The following TNRC18 variants were observed in gnomAD, a reference collection of about 807,000 sequenced individuals.
TNRC18 encodes the protein trinucleotide repeat-containing gene 18 protein.
TNRC18 carries 69 observed loss-of-function variants against 226.7 expected under a neutral mutation model. That is an observed-to-expected ratio of 0.30 (90% CI 0.25 to 0.37). The LOEUF (loss-of-function observed/expected upper bound fraction) is 0.37. Ranked by LOEUF, TNRC18 falls within the 10% of genes least tolerant of loss-of-function variation. The pLI is 1.00. For missense variants in TNRC18, 4,754 were observed against 4,256.6 expected, an observed-to-expected ratio of 1.12 and a Z score of -3.25; for synonymous variants, 2,449 against 1,927.6, an observed-to-expected ratio of 1.27 and a Z score of -7.09.
chr7:5,323,594 TG>T, intron 21 of TNRC18, among the ~76,000 whole-genome samples: 1 of 122,334 alleles, frequency 8.2e-6, no homozygotes. Context: ...GACACAGTTT[TG>T]CTCTTTGCCC....
intron 27 of TNRC18, among the ~76,000 whole-genome samples, chr7:5,311,198 G>A (rs962753921): frequency 6.6e-5 from 10 of 152,064 alleles, no homozygotes; most frequent in East Asian, 3.9e-4. Flanking sequence ...ACATATGTGC[G>A]TGTGTGTGTG....
intron 2 of TNRC18, among the ~76,000 whole-genome samples, chr7:5,412,311 T>C (rs1048144054): frequency 4.0e-5 from 6 of 151,282 alleles, no homozygotes; most frequent in Non-Finnish European, 8.8e-5. Context: ...CATGGTGGCT[T>C]ACGCCTGTAA....
intron 13 of TNRC18, 77 bp from the exon 14 acceptor site, chr7:5,361,799 C>T (rs1182686144): frequency 1.8e-5 from 28 of 1,529,294 alleles, no homozygotes; most frequent in South Asian, 1.1e-4. Context: ...GATGCACACA[C>T]GGCGCCGGGT....
intron 2 of TNRC18, chr7:5,420,074 G>A (rs994082900): frequency 8.7e-6 from 2 of 231,172 alleles, no homozygotes; most frequent in Non-Finnish European, 1.8e-5. Flanking sequence ...TGGGGCGGCC[G>A]CCGGGCAGGT....
At chr7:5,342,953 A>G (rs1340258248) in intron 18 of TNRC18, among the ~76,000 whole-genome samples, 1 of 152,232 alleles carries the variant, frequency 6.6e-6, no homozygotes, top group Non-Finnish European at 1.5e-5. Flanking sequence ...ACATCGAGGC[A>G]AGACCCACCA....
chr7:5,343,044 A>G (rs1295350509), intron 18 of TNRC18, among the ~76,000 whole-genome samples: 1 of 152,152 alleles, frequency 6.6e-6, no homozygotes, highest in Non-Finnish European at 1.5e-5. Flanking sequence ...AGATATGTAC[A>G]ATGTTTTCTT....
rs1412400211 is a variant in TNRC18 at position 5,387,720 on chromosome 7, G to A, written c.2104C>T (p.Pro702Ser). The change falls in exon 5 of 30, where the codon CCT (proline) becomes TCT (serine). Residue 702 changes from proline to serine, a missense_variant. By Grantham distance (74) the Pro-to-Ser change is moderately conservative. Coordinates refer to ENST00000430969, the MANE Select transcript of TNRC18 (RefSeq NM_001080495.3). ...KDSGGSGRLGPGLVDQERSLS... is the reference protein window; with the variant it reads ...KDSGGSGRLGSGLVDQERSLS... ...GAGCGCTCCTGGTCTACCAGCCCAG[G>A]CCCCAGCCGGCCACTGCCGCCACTG... The A allele has an allele frequency of 6.2e-7, 1 of 1,605,622 alleles. No individual in the cohort carries two copies. Among genetic ancestry groups the A allele is most frequent in the Non-Finnish European group, 8.5e-7 (1 of 1,179,844 alleles).
chr7:5,391,030 G>A (rs1034577184), intron 3 of TNRC18, among the ~76,000 whole-genome samples: 7 of 152,174 alleles, frequency 4.6e-5, no homozygotes, highest in African/African-American at 7.2e-5. Flanking sequence ...TGCCCAAGAC[G>A]ATACAGCAGA....
chr7:5,407,127 G>A (rs1456685921), intron 2 of TNRC18: 1 of 152,330 alleles, frequency 6.6e-6, no homozygotes, highest in Non-Finnish European at 1.5e-5. Context: ...CTCGAGGCTG[G>A]GGTGGTGGGA....
chr7:5,308,362 G>C, intron 29 of TNRC18, 50 bp from the exon 30 acceptor site: 1 of 1,549,276 alleles, frequency 6.5e-7, no homozygotes, highest in Non-Finnish European at 8.8e-7. Context: ...CACAGAGGCC[G>C]AGGGAGCCCC....
rs371298037 is a variant in TNRC18, at chr7:5,352,060, C to G, written c.5229G>C (p.Lys1743Asn). Residue 1743 changes from lysine (K) to asparagine (N), a missense_variant, in exon 17 of 30, where the codon AAG (lysine) becomes AAC (asparagine). Coordinates refer to ENST00000430969, the MANE Select transcript of TNRC18 (RefSeq NM_001080495.3). ...AGGGGCCTTGGGCGGGCCACTCGTC[C>G]TTCAGGAATTCTTCGTCTTCCTCTG... ...TDSEEDEEFL[K>N]DEWPAQGPSS... The G allele has an allele frequency of 6.2e-6, 10 of 1,610,900 alleles. No homozygotes were observed. Among genetic ancestry groups the G allele is most frequent in the Non-Finnish European group, 8.5e-6 (10 of 1,178,320 alleles).
Position 5,307,438 on chromosome 7 carries a change from T to TG in TNRC18, c.*667dup, listed in dbSNP as rs1335541646. 2.7e-6 allele frequency: 1 copy of TG among 366,562 alleles called. No individual in the cohort carries two copies. Among genetic ancestry groups the TG allele is most frequent in the South Asian group, 1.9e-5 (1 of 52,712 alleles). 22.7% of individuals were successfully genotyped at this position (366,562 alleles called of 1,614,324 possible). Reference sequence around the variant, plus strand: ...GGCCGGGCGACAGTTTCAGCACCATTGGGGTTTTCTGTAGTGTGAGGGTTT... The same window carrying TG: ...GGCCGGGCGACAGTTTCAGCACCATTGGGGGTTTTCTGTAGTGTGAGGGTTT... On this transcript the variant is annotated 3_prime_UTR_variant, in exon 30 of 30. Coordinates refer to ENST00000430969, the MANE Select transcript of TNRC18 (RefSeq NM_001080495.3).
intron 2 of TNRC18, among the ~76,000 whole-genome samples, chr7:5,405,958 T>C (rs532652858): frequency 6.6e-6 from 1 of 152,258 alleles, no homozygotes; most frequent in East Asian, 1.9e-4. Context: ...CGAACACGTA[T>C]TTGCACACCC....
At chr7:5,413,114 C>T (rs1425833844) in intron 2 of TNRC18, among the ~76,000 whole-genome samples, 1 of 152,164 alleles carries the variant, frequency 6.6e-6, no homozygotes, top group East Asian at 1.9e-4. Context: ...GAGAACAGCT[C>T]CAGCCCATCC....
chr7:5,326,628 T>C (rs1342607068), intron 19 of TNRC18, among the ~76,000 whole-genome samples: 3 of 151,936 alleles, frequency 2.0e-5, no homozygotes, highest in African/African-American at 7.3e-5. Flanking sequence ...CTACACTTTC[T>C]AAAAGGGACA....
At chr7:5,375,933 T>TC in intron 9 of TNRC18, 101 bp downstream of exon 9, 2 of 1,224,470 alleles carry the variant, frequency 1.6e-6, no homozygotes, top group South Asian at 3.0e-5. Flanking sequence ...TGCTGTTTTC[T>TC]CCCTCCCTGT....
intron 21 of TNRC18, among the ~76,000 whole-genome samples, chr7:5,323,494 G>A (rs886188563): frequency 6.6e-6 from 1 of 151,040 alleles, no homozygotes; most frequent in Non-Finnish European, 1.5e-5. Flanking sequence ...ACTCTCGCCT[G>A]GACAGCACAG....
chr7:5,401,344 C>T (rs1428773326), intron 2 of TNRC18, among the ~76,000 whole-genome samples: 2 of 152,162 alleles, frequency 1.3e-5, no homozygotes, highest in Non-Finnish European at 2.9e-5. Flanking sequence ...TCCGGCCCAC[C>T]TCTGCCCCTC....
In TNRC18 at chr7:5,312,891, G is replaced by A. The variant is rs1378180081; in HGVS notation, c.8000C>T (p.Ser2667Phe). ...SSSSSSSSSS[S>F]SSSSTTDEDS... is the part of the protein sequence containing the mutation. The stretch of plus-strand genomic sequence containing the variant: ...CTCGTCTGTGGTGGAGGAAGAAGAG[G>A]AGGAAGAGGAGGAGGAGGAGGAGGA... Residue 2667 changes from serine to phenylalanine, a missense_variant, in exon 27 of 30, where the codon TCC becomes TTC. Transcript: ENST00000430969. This position sits in a 1 kb window ranked among gnomAD's most constrained non-coding sequence, Gnocchi z 6.3. The A allele has an allele frequency of 1.3e-6, 2 of 1,519,840 alleles. No homozygotes were observed. The highest frequency in any genetic ancestry group is 2.4e-5 in the East Asian group (1 of 41,528). 94.1% of individuals were successfully genotyped at this position (1,519,840 alleles called of 1,614,324 possible). A position where few individuals can be genotyped will look rare whatever the true frequency, so the allele number is the denominator to read the frequency against.
Sources: gnomAD v4.1 joint callset for allele counts (sites outside exome capture counted in the v4.1 genomes callset) on GRCh38, gnomAD v4.1.1 for gene constraint, Gnocchi (gnomAD v3.1) non-coding constraint, MANE v1.5 for transcripts, NCBI Gene and HGNC (gene_info 2026-07-23, HGNC 2026-07-21) for gene names.